The following SH3PXD2B variants were observed in gnomAD, a reference collection of about 807,000 sequenced individuals.
SH3PXD2B encodes SH3 and PX domains 2B, also known as SH3 and PX domain-containing protein 2B.
A neutral mutation model predicts 73.1 loss-of-function variants in SH3PXD2B; 37 were observed. The observed-to-expected ratio is 0.51, with a 90% confidence interval of 0.39 to 0.67. SH3PXD2B has a LOEUF of 0.67. SH3PXD2B is among the 30% of genes least tolerant of loss of function. The pLI is 0.00. For missense variants in SH3PXD2B, 1,053 were observed against 1,197.8 expected (o/e 0.88, Z 1.78); for synonymous variants, 457 against 480.5 (o/e 0.95, Z 0.64).
chr5:172,389,706 T>C (rs766468433), intron 4 of SH3PXD2B, among the ~76,000 whole-genome samples: 11 of 151,922 alleles, frequency 7.2e-5, no homozygotes, highest in South Asian at 2.1e-4. Context: ...GCCTGGGAGA[T>C]AGAGCAAGAC....
At position 172,373,801 on chromosome 5, in the gene SH3PXD2B, T is replaced by A. The variant is rs751663567; in HGVS notation, c.416A>T (p.Lys139Ile). Reference protein sequence around the residue: ...LNPPKEEHIGKKKSGGDQTSV... With the variant: ...LNPPKEEHIGIKKSGGDQTSV... ...GAAAATATTCTTACCAGATTTCTTT[T>A]TCCCAATGTGCTCCCTGTACAGGAA... The change falls in exon 6 of 13, where the codon AAA becomes ATA. Residue 139 changes from lysine to isoleucine, a missense_variant. This residue lies in a region of SH3PXD2B where 466 missense variants were observed against 607.1 expected (regional missense o/e 0.77). Coordinates refer to ENST00000311601, the MANE Select transcript of SH3PXD2B (RefSeq NM_001017995.3). 1 of 1,614,052 alleles carries A rather than the reference T, an allele frequency of 6.2e-7. No homozygotes were observed. Among genetic ancestry groups the A allele is most frequent in the South Asian group, 1.1e-5 (1 of 91,060 alleles).
intron 8 of SH3PXD2B, among the ~76,000 whole-genome samples, chr5:172,355,914 A>G (rs1292406437): frequency 6.6e-6 from 1 of 152,102 alleles, no homozygotes; most frequent in Non-Finnish European, 1.5e-5. Flanking sequence ...CACACACAGC[A>G]GAGGGTGGAA....
intron 10 of SH3PXD2B, among the ~76,000 whole-genome samples, chr5:172,349,720 G>A (rs578142660): frequency 2.0e-3 from 304 of 152,340 alleles, no homozygotes; most frequent in Non-Finnish European, 2.3e-3. Context: ...CTCAAAGGTA[G>A]TTATGAGGAG....
chr5:172,343,190 G>A (rs1756897998), intron 12 of SH3PXD2B, among the ~76,000 whole-genome samples: 1 of 152,206 alleles, frequency 6.6e-6, no homozygotes, highest in Non-Finnish European at 1.5e-5. Flanking sequence ...AAAGGCCACT[G>A]ATAAATGTAA....
At chr5:172,450,302 G>A (rs990313935) in intron 1 of SH3PXD2B, among the ~76,000 whole-genome samples, 1 of 152,082 alleles carries the variant, frequency 6.6e-6, no homozygotes, top group Non-Finnish European at 1.5e-5. Flanking sequence ...GCAGGATAGT[G>A]GTTTTATGGG....
rs1306967983 is a variant in SH3PXD2B, at chr5:172,333,551, AAAGG to A, written c.*4814_*4817del. The A allele has an allele frequency of 8.5e-7, 1 of 1,171,470 alleles. No individual in the cohort carries two copies. Among genetic ancestry groups the A allele is most frequent in the African/African-American group, 1.7e-5 (1 of 60,336 alleles). 72.6% of individuals were successfully genotyped at this position (1,171,470 alleles called of 1,614,324 possible). A position where few individuals can be genotyped will look rare whatever the true frequency, so the allele number is the denominator to read the frequency against. ...GCACTTTTTTTATTTAAAAAAAAAAAAAGGAAAGAAGTCAAATGGTAAAGTATAT... is the reference window on the plus strand; with the variant it reads ...GCACTTTTTTTATTTAAAAAAAAAAAAAAGAAGTCAAATGGTAAAGTATAT... On this transcript the variant is annotated 3_prime_UTR_variant, in exon 13 of 13. Transcript: ENST00000311601.
chr5:172,429,387 C>T (rs1256535830), intron 1 of SH3PXD2B, among the ~76,000 whole-genome samples: 2 of 152,222 alleles, frequency 1.3e-5, no homozygotes, highest in Non-Finnish European at 2.9e-5. Flanking sequence ...AGCACAGAAA[C>T]CACAACTGGG....
chr5:172,413,664 G>C (rs1232097572), intron 2 of SH3PXD2B, among the ~76,000 whole-genome samples: 1 of 152,236 alleles, frequency 6.6e-6, no homozygotes, highest in Non-Finnish European at 1.5e-5. Context: ...GAGTTTAGCT[G>C]CAACTGCCCA....
At chr5:172,429,339 T>C (rs1261485187) in intron 1 of SH3PXD2B, among the ~76,000 whole-genome samples, 2 of 61,394 alleles carry the variant, frequency 3.3e-5, no homozygotes, top group African/African-American at 8.5e-5. Context: ...GAGCAACATG[T>C]TTTGGGGGAG....
intron 3 of SH3PXD2B, among the ~76,000 whole-genome samples, chr5:172,402,886 C>T (rs143816154): frequency 1.3e-5 from 2 of 152,380 alleles, no homozygotes; most frequent in African/African-American, 2.4e-5. Flanking sequence ...TCCTCAACTC[C>T]CAGCTTTCTT....
In SH3PXD2B at chr5:172,368,475, TATATATAAAATATATATATATTA is replaced by T. The variant is rs1253547111; in HGVS notation, c.427+5292_427+5314del. Among the ~76,000 whole-genome samples, 53 of 24,590 alleles carry T rather than the reference TATATATAAAATATATATATATTA, an allele frequency of 2.2e-3. 3 individuals carry two copies. The highest frequency in any genetic ancestry group is 0.012 in the South Asian group (7 of 588). 16.1% of individuals were successfully genotyped at this position (24,590 alleles called of 152,430 possible). A position where few individuals can be genotyped will look rare whatever the true frequency, so the allele number is the denominator to read the frequency against. On this transcript the variant is annotated intron_variant, in intron 6 of 12. Transcript: ENST00000311601. ...TGCTTATATATATATATATTATATATATATATAAAATATATATATATTATATATATATATATAAAATATATATA... is the reference window on the plus strand; with the variant it reads ...TGCTTATATATATATATATTATATATTATATATATATATAAAATATATATA...
downstream of SH3PXD2B, among the ~76,000 whole-genome samples, chr5:172,330,942 C>A (rs571848191): frequency 6.6e-6 from 1 of 152,240 alleles, no homozygotes; most frequent in Non-Finnish European, 1.5e-5. Context: ...CGCCTGCAAT[C>A]CCAGCACTTT....
Position 172,339,806 on chromosome 5 carries a change from T to C in SH3PXD2B, c.1299A>G (p.Arg433=), listed in dbSNP as rs367686820. The change falls in exon 13 of 13, where the codon AGA becomes AGG. Residue 433 remains arginine, a synonymous_variant. Coordinates refer to ENST00000311601, the MANE Select transcript of SH3PXD2B (RefSeq NM_001017995.3). The surrounding 1 kb of genome is among the most constrained non-coding windows in gnomAD (Gnocchi z 6.1). ...DKYKKTSNAS[R]PNFLAPLPHE... is the part of the protein sequence containing the mutation. ...GGGGCAGGGGAGCCAGAAAGTTGGG[T>C]CTCGACGCGTTGCTCGTCTTCTTGT... 1.2e-6 allele frequency: 2 copies of C among 1,613,696 alleles called. No homozygotes were observed. Among genetic ancestry groups the C allele is most frequent in the Non-Finnish European group, 1.7e-6 (2 of 1,179,702 alleles).
At chr5:172,422,353 G>A (rs1477746336) in intron 2 of SH3PXD2B, 63 bp downstream of exon 2, 9 of 1,415,466 alleles carry the variant, frequency 6.4e-6, no homozygotes, top group African/African-American at 2.8e-5. Flanking sequence ...AAGCTGTAGT[G>A]GAATGTAAGT....
At chr5:172,425,791 G>A (rs1471048647) in intron 1 of SH3PXD2B, among the ~76,000 whole-genome samples, 1 of 152,130 alleles carries the variant, frequency 6.6e-6, no homozygotes, top group African/African-American at 2.4e-5. Flanking sequence ...TGTGGAAACG[G>A]CTTGAAGAGG....
chr5:172,406,170 A>G (rs768784349), intron 3 of SH3PXD2B, 107 bp downstream of exon 3: 31 of 1,237,202 alleles, frequency 2.5e-5, no homozygotes, highest in Admixed American at 3.9e-5. Flanking sequence ...GGTCAGTGGG[A>G]TGGTGTCCCC....
At chr5:172,392,811 A>G (rs889108181) in intron 4 of SH3PXD2B, among the ~76,000 whole-genome samples, 14 of 150,968 alleles carry the variant, frequency 9.3e-5, no homozygotes, top group African/African-American at 3.2e-4. Flanking sequence ...ACAAATAAAC[A>G]AACAAAAACT....
At chr5:172,370,468 A>C (rs1013431912) in intron 6 of SH3PXD2B, among the ~76,000 whole-genome samples, 7 of 152,198 alleles carry the variant, frequency 4.6e-5, no homozygotes, top group Non-Finnish European at 1.0e-4. Flanking sequence ...GATTTGCTAT[A>C]AGCAAGACAG....
At chr5:172,350,710 C>T (rs1757144783) in intron 9 of SH3PXD2B, 121 bp from the exon 10 acceptor site, 2 of 944,932 alleles carry the variant, frequency 2.1e-6, no homozygotes, top group Non-Finnish European at 3.2e-6. Flanking sequence ...TGTGACTGCC[C>T]AGGGCAAGAG....
Sources: allele counts gnomAD v4.1 joint callset (sites outside exome capture counted in the v4.1 genomes callset), GRCh38; gene constraint gnomAD v4.1.1; regional missense constraint gnomAD v4.1.1; non-coding constraint Gnocchi (gnomAD v3.1); transcripts MANE v1.5; gene names NCBI Gene and HGNC (gene_info 2026-07-23, HGNC 2026-07-21).